Variants in GRAMD1B observed in about 807,000 individuals in gnomAD.
GRAMD1B encodes the protein protein Aster-B.
In GRAMD1B, 37 loss-of-function variants were observed where a neutral mutation model predicts 99.7. That is an observed-to-expected ratio of 0.37 (90% CI 0.29 to 0.49). The LOEUF (loss-of-function observed/expected upper bound fraction) is 0.49, where lower values mean the gene tolerates loss of function less well. Ranked by LOEUF, GRAMD1B falls within the 20% of genes least tolerant of loss-of-function variation. The pLI, the probability that GRAMD1B is intolerant of heterozygous loss-of-function variation, is 0.98. For synonymous variants in GRAMD1B, 427 were observed against 387.6 expected (o/e 1.10, Z -1.19); for missense variants, 888 against 1,009.2 (o/e 0.88, Z 1.63).
At chr11:123,535,066 G>A (rs1943821737) in intron 2 of GRAMD1B, among the ~76,000 whole-genome samples, 1 of 152,106 alleles carries the variant, frequency 6.6e-6, no homozygotes, top group Admixed American at 6.6e-5. Context: ...AGAGGCCTGG[G>A]CTGGCTAGAC....
chr11:123,481,435 C>T (rs1951600222), intron 2 of GRAMD1B, among the ~76,000 whole-genome samples: 1 of 151,438 alleles, frequency 6.6e-6, no homozygotes, highest in African/African-American at 2.4e-5. Flanking sequence ...GCCTGGGCAA[C>T]AGAGGGAGAC....
intron 19 of GRAMD1B, among the ~76,000 whole-genome samples, chr11:123,620,079 A>G (rs906013918): frequency 6.6e-6 from 1 of 152,228 alleles, no homozygotes; most frequent in Non-Finnish European, 1.5e-5. Flanking sequence ...AGGAATTGTA[A>G]TCATAGCTTC....
chr11:123,551,563 T>G (rs974264220), intron 2 of GRAMD1B, among the ~76,000 whole-genome samples: 2 of 152,178 alleles, frequency 1.3e-5, no homozygotes, highest in Admixed American at 6.5e-5. Context: ...GTCCAAAACT[T>G]GGTGGCTTGC....
chr11:123,441,996 A>G (rs974559516), intron 1 of GRAMD1B, among the ~76,000 whole-genome samples: 1 of 152,194 alleles, frequency 6.6e-6, no homozygotes, highest in African/African-American at 2.4e-5. Flanking sequence ...AGGATAGAGA[A>G]TTTGAAAGGA....
intron 1 of GRAMD1B, among the ~76,000 whole-genome samples, chr11:123,413,895 G>GA (rs911836696): frequency 6.6e-6 from 1 of 152,148 alleles, no homozygotes; most frequent in African/African-American, 2.4e-5. Context: ...AACCAAGTCA[G>GA]AAAAAAGTGG....
At chr11:123,434,865 A>T (rs1398138611) in intron 1 of GRAMD1B, among the ~76,000 whole-genome samples, 1 of 152,244 alleles carries the variant, frequency 6.6e-6, no homozygotes, top group East Asian at 1.9e-4. Context: ...ACAGCTGTAT[A>T]TTTAAGTTCT....
At chr11:123,474,275 T>C (rs902715650) in intron 1 of GRAMD1B, among the ~76,000 whole-genome samples, 2 of 152,116 alleles carry the variant, frequency 1.3e-5, no homozygotes, top group Non-Finnish European at 2.9e-5. Flanking sequence ...TTTTTTAAAG[T>C]AATGGCAATC....
chr11:123,394,840 G>T (rs1947403979), intron 1 of GRAMD1B, among the ~76,000 whole-genome samples: 1 of 152,188 alleles, frequency 6.6e-6, no homozygotes, highest in African/African-American at 2.4e-5. Context: ...CTGCTTCCAA[G>T]ATGGCAACTT....
chr11:123,536,009 C>T (rs1334775947), intron 2 of GRAMD1B, among the ~76,000 whole-genome samples: 1 of 152,188 alleles, frequency 6.6e-6, no homozygotes, highest in Non-Finnish European at 1.5e-5. Context: ...AATACCCTCC[C>T]TTCAGCTATG....
chr11:123,424,350 G>A (rs1948572176), intron 1 of GRAMD1B, among the ~76,000 whole-genome samples: 2 of 151,840 alleles, frequency 1.3e-5, no homozygotes, highest in Non-Finnish European at 2.9e-5. Context: ...TTCAACACTA[G>A]GCTAGGTGTG....
intron 2 of GRAMD1B, among the ~76,000 whole-genome samples, chr11:123,501,733 A>T (rs1406495437): frequency 1.3e-5 from 2 of 152,240 alleles, no homozygotes; most frequent in Admixed American, 6.5e-5. Flanking sequence ...CTTCTGAATG[A>T]TCTAGTTAAA....
At chr11:123,571,339 C>T (rs1054810939) in intron 2 of GRAMD1B, among the ~76,000 whole-genome samples, 2 of 152,100 alleles carry the variant, frequency 1.3e-5, no homozygotes, top group African/African-American at 4.8e-5. Flanking sequence ...ACCGTGTCTG[C>T]AGTGGGCGTG....
chr11:123,432,941 C>T (rs893700322), intron 1 of GRAMD1B, among the ~76,000 whole-genome samples: 4 of 152,120 alleles, frequency 2.6e-5, no homozygotes, highest in African/African-American at 4.8e-5. Flanking sequence ...AGCTTTGTTC[C>T]GTGGATTTTT....
intron 2 of GRAMD1B, among the ~76,000 whole-genome samples, chr11:123,527,961 T>A (rs1252757161): frequency 6.6e-6 from 1 of 152,228 alleles, no homozygotes; most frequent in Admixed American, 6.5e-5. Context: ...ATCTGGGAAC[T>A]GTAATTGGGA....
chr11:123,448,080 G>T (rs887241931), intron 1 of GRAMD1B, among the ~76,000 whole-genome samples: 2 of 152,084 alleles, frequency 1.3e-5, no homozygotes, highest in African/African-American at 4.8e-5. Flanking sequence ...TGTTGCCTAG[G>T]CTGGTCTCAA....
chr11:123,523,520 T>C (rs1942396517), intron 2 of GRAMD1B, among the ~76,000 whole-genome samples: 1 of 130,574 alleles, frequency 7.7e-6, no homozygotes, highest in African/African-American at 3.0e-5. Flanking sequence ...GGAGTTGACT[T>C]TTTGGATTTT....
chr11:123,516,392 G>A (rs60766321), intron 2 of GRAMD1B, among the ~76,000 whole-genome samples: 4,627 of 152,236 alleles, frequency 0.03, 239 homozygotes, highest in African/African-American at 0.11. Flanking sequence ...AAAATGTCCC[G>A]ATGACTGGAA....
chr11:123,427,726 G>A (rs112760946), upstream of GRAMD1B, among the ~76,000 whole-genome samples: 4 of 152,180 alleles, frequency 2.6e-5, no homozygotes, highest in Non-Finnish European at 5.9e-5. Flanking sequence ...TAAGGACAGC[G>A]TTCAGGCTAA....
chr11:123,519,577 C>T (rs932486854), intron 2 of GRAMD1B, among the ~76,000 whole-genome samples: 1 of 152,206 alleles, frequency 6.6e-6, no homozygotes, highest in African/African-American at 2.4e-5. Context: ...AGCTTTGATT[C>T]CCCAACGTGT....
Sources: gnomAD v4.1 joint callset for allele counts (sites outside exome capture counted in the v4.1 genomes callset) on GRCh38, gnomAD v4.1.1 for gene constraint, MANE v1.5 for transcripts, NCBI Gene and HGNC (gene_info 2026-07-23, HGNC 2026-07-21) for gene names.